Variants in NAALADL2 observed in about 807,000 individuals in gnomAD.
NAALADL2 encodes N-acetylated alpha-linked acidic dipeptidase like 2.
NAALADL2 carries 76 observed loss-of-function variants against 87.2 expected under a neutral mutation model. The ratio of observed to expected loss-of-function variants is 0.87; its 90% confidence interval spans 0.72 to 1.05. NAALADL2 has a LOEUF of 1.05. Ranked by LOEUF, NAALADL2 falls within the 50% of genes least tolerant of loss-of-function variation. NAALADL2 has a pLI of 0.00. For missense variants in NAALADL2, 1,089 were observed against 945.8 expected, an observed-to-expected ratio of 1.15 and a Z score of -1.99; for synonymous variants, 354 against 331.0, an observed-to-expected ratio of 1.07 and a Z score of -0.75.
At chr3:175,649,997 C>T (rs1462296962) in intron 11 of NAALADL2, among the ~76,000 whole-genome samples, 2 of 149,686 alleles carry the variant, frequency 1.3e-5, no homozygotes, top group African/African-American at 4.9e-5. Flanking sequence ...AACAATTCCA[C>T]TCCTAGGAAT....
intron 1 of NAALADL2, among the ~76,000 whole-genome samples, chr3:174,541,328 C>T (rs1399792): frequency 0.78 from 118,941 of 151,902 alleles, 46,642 homozygotes; most frequent in African/African-American, 0.81. Flanking sequence ...ATCTGAATGA[C>T]GTTTCTAAAA....
At chr3:174,822,305 C>CCATT (rs759428301) in intron 3 of NAALADL2, among the ~76,000 whole-genome samples, 4 of 151,958 alleles carry the variant, frequency 2.6e-5, no homozygotes, top group Non-Finnish European at 5.9e-5. Flanking sequence ...AGGAGCTGGT[C>CCATT]CATTCTCAGA....
At chr3:174,501,242 C>A (rs1450956197) in intron 1 of NAALADL2, among the ~76,000 whole-genome samples, 2 of 149,026 alleles carry the variant, frequency 1.3e-5, no homozygotes, top group Non-Finnish European at 2.9e-5. Context: ...CTACGCCCGG[C>A]TAATTTTTTG....
chr3:174,721,568 G>A (rs1210344660), intron 2 of NAALADL2, among the ~76,000 whole-genome samples: 4 of 152,164 alleles, frequency 2.6e-5, no homozygotes, highest in Non-Finnish European at 5.9e-5. Context: ...ATAAAATAAC[G>A]TTTGTGTCTG....
chr3:175,450,887 G>A (rs1721461926), intron 6 of NAALADL2, among the ~76,000 whole-genome samples: 1 of 152,144 alleles, frequency 6.6e-6, no homozygotes, highest in South Asian at 2.1e-4. Context: ...CATTAAAAGT[G>A]AACAAGAAAC....
chr3:175,634,476 T>C (rs1728239747), intron 11 of NAALADL2, among the ~76,000 whole-genome samples: 1 of 151,994 alleles, frequency 6.6e-6, no homozygotes. Flanking sequence ...TATCTTGAGA[T>C]GCCATTCTAA....
intron 1 of NAALADL2, among the ~76,000 whole-genome samples, chr3:175,014,475 A>G (rs941663621): frequency 1.3e-5 from 2 of 152,112 alleles, no homozygotes; most frequent in African/African-American, 2.4e-5. Flanking sequence ...GTTTTTGACT[A>G]TTTTGTTCCA....
At position 175,775,933 on chromosome 3, in the gene NAALADL2, G is replaced by A. The variant is rs1272494212; in HGVS notation, c.2189+20515G>A. Among the ~76,000 whole-genome samples the A allele has an allele frequency of 2.6e-5, 4 of 152,244 alleles. No individual in the cohort carries two copies. In the East Asian group the frequency reaches 5.8e-4, roughly 22 times the overall value. Reference sequence around the variant, plus strand: ...GTCATAAAGTATTTTAACTGAGCCAGCTACAGGAGCTTTCTGTCTTTTTTC... The same window carrying A: ...GTCATAAAGTATTTTAACTGAGCCAACTACAGGAGCTTTCTGTCTTTTTTC... On this transcript the variant is annotated intron_variant, in intron 13 of 13. Transcript: ENST00000454872.
chr3:175,358,104 A>G (rs1004687880), intron 5 of NAALADL2, among the ~76,000 whole-genome samples: 1 of 152,180 alleles, frequency 6.6e-6, no homozygotes, highest in African/African-American at 2.4e-5. Context: ...AAATTTTTAA[A>G]TAATTGGTTT....
chr3:174,936,788 T>G (rs1397474192), intron 1 of NAALADL2, among the ~76,000 whole-genome samples: 5 of 152,092 alleles, frequency 3.3e-5, no homozygotes, highest in African/African-American at 1.2e-4. Context: ...GTAAATAAAT[T>G]TTATTGGAAT....
At chr3:174,487,340 A>G (rs537412929) in intron 1 of NAALADL2, among the ~76,000 whole-genome samples, 13 of 152,160 alleles carry the variant, frequency 8.5e-5, no homozygotes, top group African/African-American at 2.9e-4. Context: ...TTTGACTTCA[A>G]TAATTTAGTT....
At chr3:175,116,794 G>A (rs9873777) in intron 2 of NAALADL2, among the ~76,000 whole-genome samples, 91,879 of 151,830 alleles carry the variant, frequency 0.61, 28,310 homozygotes, top group African/African-American at 0.73. Flanking sequence ...AAAAGAGCCT[G>A]CGTTGCCAAG....
chr3:175,184,889 C>G (rs962298983), intron 2 of NAALADL2, among the ~76,000 whole-genome samples: 1 of 152,052 alleles, frequency 6.6e-6, no homozygotes, highest in Admixed American at 6.6e-5. Context: ...GCACGTTAAG[C>G]ACCATGTTTA....
chr3:174,763,586 C>CAAAAAAA (rs1163373340), intron 3 of NAALADL2, among the ~76,000 whole-genome samples: 2 of 48,376 alleles, frequency 4.1e-5, no homozygotes, highest in Admixed American at 2.7e-4. Flanking sequence ...GACTCCATCT[C>CAAAAAAA]AAAAAAAAAA....
intron 13 of NAALADL2, chr3:175,773,033 C>G (rs1327002664): frequency 6.6e-6 from 1 of 152,058 alleles, no homozygotes; most frequent in Non-Finnish European, 1.5e-5. Context: ...GGCATGTATC[C>G]TGGTTAACAG....
At chr3:175,540,091 A>T (rs944261482) in intron 9 of NAALADL2, among the ~76,000 whole-genome samples, 9 of 152,202 alleles carry the variant, frequency 5.9e-5, no homozygotes, top group Admixed American at 6.5e-5. Context: ...AATTTTTGAC[A>T]CAGAAATAGG....
chr3:175,236,036 G>A (rs1372769307), intron 3 of NAALADL2, among the ~76,000 whole-genome samples: 1 of 152,142 alleles, frequency 6.6e-6, no homozygotes, highest in Non-Finnish European at 1.5e-5. Context: ...CAAGGAAAGA[G>A]ATATCCTATC....
At chr3:174,515,855 T>C (rs964336587) in intron 1 of NAALADL2, among the ~76,000 whole-genome samples, 2 of 151,886 alleles carry the variant, frequency 1.3e-5, no homozygotes, top group African/African-American at 4.8e-5. Flanking sequence ...AAAGGACCCT[T>C]TAGATGAATG....
chr3:174,548,933 T>C (rs1161938036), intron 1 of NAALADL2, among the ~76,000 whole-genome samples: 1 of 152,192 alleles, frequency 6.6e-6, no homozygotes, highest in Non-Finnish European at 1.5e-5. Context: ...CCAATCTCTC[T>C]GGGCTCAGCT....
Sources: allele counts gnomAD v4.1 joint callset (sites outside exome capture counted in the v4.1 genomes callset), GRCh38; gene constraint gnomAD v4.1.1; transcripts MANE v1.5; gene names NCBI Gene and HGNC (gene_info 2026-07-23, HGNC 2026-07-21).